ITSN1: variants seen among roughly 807,000 people sequenced by gnomAD.
ITSN1 encodes intersectin-1.
Under a neutral mutation model 239.8 loss-of-function variants are expected in ITSN1, and 58 were observed. That is an observed-to-expected ratio of 0.24 (90% CI 0.20 to 0.30). ITSN1 has a LOEUF of 0.30. Among genes scored for constraint, ITSN1 ranks in the 10% least tolerant of loss-of-function variants. ITSN1 has a pLI of 1.00. For missense variants in ITSN1, 1,558 were observed against 2,103.3 expected (o/e 0.74, Z 5.07); for synonymous variants, 780 against 770.8 (o/e 1.01, Z -0.20).
Position 33,826,852 on chromosome 21 carries a change from GA to G in ITSN1, c.3225del (p.Lys1075AsnfsTer26). On this transcript the variant is annotated frameshift_variant, in exon 26 of 40. Transcript: ENST00000381318. LOFTEE classifies it high-confidence loss of function. ...SGTAGKTGSL[G>X]KKPEIAQVIA... ...ACTGCTGGGAAAACAGGGAGTTTAGGAAAAAAACCTGGTAAGTTACAAACCC... is the reference window on the plus strand; with the variant it reads ...ACTGCTGGGAAAACAGGGAGTTTAGGAAAAAACCTGGTAAGTTACAAACCC... The G allele has an allele frequency of 6.2e-7, 1 of 1,613,546 alleles. No homozygotes were observed. Among genetic ancestry groups the G allele is most frequent in the Non-Finnish European group, 8.5e-7 (1 of 1,179,636 alleles).
intron 29 of ITSN1, among the ~76,000 whole-genome samples, chr21:33,843,378 C>G (rs1457430813): frequency 2.0e-5 from 3 of 152,170 alleles, no homozygotes; most frequent in Non-Finnish European, 4.4e-5. Flanking sequence ...GATTCCAACA[C>G]ATTTTCAACG....
At chr21:33,762,871 C>T (rs1278440346) in intron 9 of ITSN1, among the ~76,000 whole-genome samples, 3 of 151,718 alleles carry the variant, frequency 2.0e-5, no homozygotes, top group South Asian at 4.2e-4. Context: ...GCCATGTTGG[C>T]CAGGCTGGTC....
intron 20 of ITSN1, among the ~76,000 whole-genome samples, chr21:33,810,518 C>G (rs1051038254): frequency 2.0e-5 from 3 of 151,836 alleles, no homozygotes; most frequent in Non-Finnish European, 4.4e-5. Context: ...TGTCCTTATA[C>G]TGAATAAATA....
At chr21:33,734,967 G>A (rs928100938) in intron 4 of ITSN1, 77 bp from the exon 5 acceptor site, 45 of 1,259,046 alleles carry the variant, frequency 3.6e-5, no homozygotes, top group Middle Eastern at 3.9e-4. Flanking sequence ...TTTTGTTTTC[G>A]TGTTGGTGGG....
At chr21:33,760,765 A>C (rs992850194) in intron 8 of ITSN1, among the ~76,000 whole-genome samples, 2 of 152,160 alleles carry the variant, frequency 1.3e-5, no homozygotes, top group Non-Finnish European at 2.9e-5. Flanking sequence ...AAAAGCAAAA[A>C]CATATACACC....
intron 1 of ITSN1, 92 bp from the exon 2 acceptor site, chr21:33,718,705 T>C (rs2065311443): frequency 1.2e-6 from 1 of 809,372 alleles, no homozygotes. Context: ...CTAGTATTAG[T>C]CCTCTGACCA....
In ITSN1 at chr21:33,799,790, AC is replaced by A; in HGVS notation, c.2183-16del. 1 of 1,612,282 alleles carries A rather than the reference AC, an allele frequency of 6.2e-7. No homozygotes were observed. The highest frequency in any genetic ancestry group is 8.5e-7 in the Non-Finnish European group (1 of 1,179,318). On this transcript the variant is annotated splice_polypyrimidine_tract_variant and intron_variant, in intron 18 of 39. Coordinates refer to ENST00000381318, the MANE Select transcript of ITSN1 (RefSeq NM_003024.3). ...GTAATTATTTATTTTTGTCCCCCCC[AC>A]CTTTTTTTGTAAACAGAAAAAGGTC...
chr21:33,678,905 G>T (rs891556936), intron 1 of ITSN1, among the ~76,000 whole-genome samples: 2 of 152,108 alleles, frequency 1.3e-5, no homozygotes, highest in African/African-American at 4.8e-5. Flanking sequence ...GTAGAGACAG[G>T]GTTTCACGGA....
chr21:33,690,378 T>C (rs1160296499), intron 1 of ITSN1, among the ~76,000 whole-genome samples: 1 of 151,472 alleles, frequency 6.6e-6, no homozygotes, highest in Non-Finnish European at 1.5e-5. Context: ...GGCAGGAGGA[T>C]CACGAGGTCA....
Position 33,772,205 on chromosome 21 carries a change from G to A in ITSN1, c.1187G>A (p.Arg396His), listed in dbSNP as rs779207769. Residue 396 changes from arginine (R) to histidine (H), a missense_variant, in exon 12 of 40, where the codon CGT becomes CAT. By Grantham distance (29) the Arg-to-His change is conservative (BLOSUM62 0). This residue lies in a region of ITSN1 where 982 missense variants were observed against 1,209.9 expected (regional missense o/e 0.81). Coordinates refer to ENST00000381318, the MANE Select transcript of ITSN1 (RefSeq NM_003024.3). ...CGGGCGGAGCAGGAGAGGAAGGAGC[G>A]TGAGCGCCAGGAGCAAGAGCGCAAA... Reference protein sequence around the residue: ...LERAEQERKERERQEQERKRQ... With the variant: ...LERAEQERKEHERQEQERKRQ... 1.1e-5 allele frequency: 18 copies of A among 1,613,484 alleles called. No individual in the cohort carries two copies. Among genetic ancestry groups the A allele is most frequent in the South Asian group, 4.4e-5 (4 of 91,012 alleles).
intron 1 of ITSN1, among the ~76,000 whole-genome samples, chr21:33,656,653 A>G (rs773615850): frequency 6.6e-6 from 1 of 151,866 alleles, no homozygotes; most frequent in Non-Finnish European, 1.5e-5. Flanking sequence ...CCCCCACCTC[A>G]GCCCCCGGAG....
Position 33,811,150 on chromosome 21 carries a change from C to G in ITSN1, c.2495C>G (p.Thr832Ser). 6.2e-7 allele frequency: 1 copy of G among 1,610,734 alleles called. No individual in the cohort carries two copies. The highest frequency in any genetic ancestry group is 8.5e-7 in the Non-Finnish European group (1 of 1,179,462). The change falls in exon 21 of 40, where the codon ACC (threonine) becomes AGC (serine). Residue 832 changes from threonine (T) to serine (S), a missense_variant. By Grantham distance (58) the Thr-to-Ser change is moderately conservative. This residue lies in a region of ITSN1 where 982 missense variants were observed against 1,209.9 expected (regional missense o/e 0.81). Coordinates refer to ENST00000381318, the MANE Select transcript of ITSN1 (RefSeq NM_003024.3). ...GCCCCCAAACTGGCCTTGCGTGAGA[C>G]CCCCGCCCCTTTGGCAGTAACCTCT... Reference protein sequence around the residue: ...APAPKLALRETPAPLAVTSSE... With the variant: ...APAPKLALRESPAPLAVTSSE...
chr21:33,815,321 T>G (rs540087233), intron 22 of ITSN1, among the ~76,000 whole-genome samples: 1 of 152,132 alleles, frequency 6.6e-6, no homozygotes, highest in Non-Finnish European at 1.5e-5. Context: ...AATGGTACTT[T>G]CCTTTGCATC....
At chr21:33,839,084 C>T (rs1406155638) in intron 29 of ITSN1, among the ~76,000 whole-genome samples, 1 of 152,220 alleles carries the variant, frequency 6.6e-6, no homozygotes, top group Non-Finnish European at 1.5e-5. Context: ...TTTCCTTCCT[C>T]AATTCAGCAG....
chr21:33,735,609 T>C (rs905167777), intron 5 of ITSN1: 10 of 224,704 alleles, frequency 4.5e-5, no homozygotes, highest in South Asian at 1.3e-4. Flanking sequence ...TCTAGAAATA[T>C]ATATATTTTG....
intron 8 of ITSN1, chr21:33,757,112 G>A (rs1569110259): frequency 6.6e-6 from 1 of 152,120 alleles, no homozygotes; most frequent in African/African-American, 2.4e-5. Context: ...TGTTTTACAT[G>A]GTTTGTTTGA....
chr21:33,704,877 A>C (rs2092175044), intron 1 of ITSN1, among the ~76,000 whole-genome samples: 1 of 148,042 alleles, frequency 6.8e-6, no homozygotes, highest in Admixed American at 6.9e-5. Context: ...TCACGAGGTC[A>C]GGAGATTGAG....
chr21:33,819,165 A>G (rs879297740), intron 23 of ITSN1, 76 bp from the exon 24 acceptor site: 30 of 1,133,762 alleles, frequency 2.6e-5, no homozygotes, highest in Non-Finnish European at 3.8e-5. Context: ...AAGCAGTTTT[A>G]ACAGAAAAAT....
intron 8 of ITSN1, among the ~76,000 whole-genome samples, chr21:33,755,623 T>C (rs1049062993): frequency 1.3e-5 from 2 of 152,202 alleles, no homozygotes; most frequent in Admixed American, 1.3e-4. Context: ...CCAGGGATAC[T>C]CCTGTACGCT....
Sources: allele counts gnomAD v4.1 joint callset (sites outside exome capture counted in the v4.1 genomes callset), GRCh38; gene constraint gnomAD v4.1.1; regional missense constraint gnomAD v4.1.1; transcripts MANE v1.5; gene names NCBI Gene and HGNC (gene_info 2026-07-23, HGNC 2026-07-21).